RABGAP1L: variants seen among roughly 807,000 people sequenced by gnomAD.
RABGAP1L encodes the protein rab GTPase-activating protein 1-like.
In RABGAP1L, 63 loss-of-function variants were observed where a neutral mutation model predicts 137.7. The ratio of observed to expected loss-of-function variants is 0.46; its 90% confidence interval spans 0.37 to 0.56. The LOEUF is 0.56. RABGAP1L is among the 20% of genes least tolerant of loss of function. The probability of loss-of-function intolerance (pLI) is 0.00; values close to 1 mark genes in which losing one functional copy is unlikely to be tolerated. For synonymous variants in RABGAP1L, 431 were observed against 433.7 expected, an observed-to-expected ratio of 0.99 and a Z score of 0.08; for missense variants, 1,095 against 1,244.0, an observed-to-expected ratio of 0.88 and a Z score of 1.80.
intron 19 of RABGAP1L, among the ~76,000 whole-genome samples, chr1:174,867,748 C>A (rs550313257): frequency 6.6e-6 from 1 of 152,272 alleles, no homozygotes; most frequent in Admixed American, 6.5e-5. Flanking sequence ...TGAGTTCAAG[C>A]AATTCTCCTG....
chr1:174,963,830 A>T (rs1263605048), intron 20 of RABGAP1L, among the ~76,000 whole-genome samples: 1 of 152,120 alleles, frequency 6.6e-6, no homozygotes, highest in Non-Finnish European at 1.5e-5. Flanking sequence ...TGCAAAGCCT[A>T]ATATAGTTAC....
At chr1:174,330,875 G>A (rs529207655) in intron 11 of RABGAP1L, among the ~76,000 whole-genome samples, 4 of 152,124 alleles carry the variant, frequency 2.6e-5, no homozygotes, top group East Asian at 1.9e-4. Flanking sequence ...ACCCTAAATA[G>A]GCCAAGCAAT....
At chr1:174,583,471 A>G (rs1405635340) in intron 13 of RABGAP1L, among the ~76,000 whole-genome samples, 2 of 152,140 alleles carry the variant, frequency 1.3e-5, no homozygotes, top group Admixed American at 1.3e-4. Context: ...GTCAGATGCA[A>G]AAGTTTTCAG....
chr1:174,267,165 A>T (rs1370896606), intron 7 of RABGAP1L, among the ~76,000 whole-genome samples: 1 of 152,172 alleles, frequency 6.6e-6, no homozygotes. Flanking sequence ...ATGCCACATC[A>T]AAAGGAAATA....
At chr1:174,625,843 C>T (rs952984619) in intron 13 of RABGAP1L, among the ~76,000 whole-genome samples, 9 of 152,188 alleles carry the variant, frequency 5.9e-5, no homozygotes, top group African/African-American at 1.9e-4. Context: ...CTAGTTTTAT[C>T]GAAGCACTCT....
chr1:174,215,714 C>G (rs1669255261), intron 1 of RABGAP1L, among the ~76,000 whole-genome samples: 1 of 152,130 alleles, frequency 6.6e-6, no homozygotes, highest in Non-Finnish European at 1.5e-5. Context: ...CCCTGGTACA[C>G]TGTTGGTGGG....
rs554686094 is a variant in RABGAP1L, at chr1:174,722,304, T to A, written c.2169+20048T>A. 4.6e-5 allele frequency among the ~76,000 whole-genome samples: 7 copies of A among 152,322 alleles called. No homozygotes were observed. The South Asian group carries it at 1.4e-3, about 32-fold the overall frequency. ...CTGTTTCTTTAACGATAAAAATAGATGATGAAGCTTAAAAGATTCTACACT... is the reference window on the plus strand; with the variant it reads ...CTGTTTCTTTAACGATAAAAATAGAAGATGAAGCTTAAAAGATTCTACACT... On this transcript the variant is annotated intron_variant, in intron 17 of 25. Transcript: ENST00000681986.
chr1:174,619,521 T>G (rs1480843952), intron 13 of RABGAP1L, among the ~76,000 whole-genome samples: 1 of 152,136 alleles, frequency 6.6e-6, no homozygotes, highest in African/African-American at 2.4e-5. Flanking sequence ...AGCCCAGAAT[T>G]TCATATCCAG....
chr1:174,580,392 C>A (rs1465020651), intron 13 of RABGAP1L, among the ~76,000 whole-genome samples: 3 of 152,072 alleles, frequency 2.0e-5, no homozygotes, highest in Non-Finnish European at 2.9e-5. Context: ...AGATGTCCAA[C>A]AATGATAGAC....
At chr1:174,586,963 T>A (rs933644800) in intron 13 of RABGAP1L, among the ~76,000 whole-genome samples, 1 of 151,974 alleles carries the variant, frequency 6.6e-6, no homozygotes, top group Non-Finnish European at 1.5e-5. Flanking sequence ...GTGTTCTCAT[T>A]GTTCAATTCC....
chr1:174,699,479 CA>C, intron 15 of RABGAP1L, 45 bp from the exon 16 acceptor site: 1 of 1,556,910 alleles, frequency 6.4e-7, no homozygotes, highest in Non-Finnish European at 8.7e-7. Flanking sequence ...GACATTCTGG[CA>C]AAATGCCACT....
chr1:174,693,537 T>G (rs186731535), intron 15 of RABGAP1L, among the ~76,000 whole-genome samples: 9 of 152,256 alleles, frequency 5.9e-5, no homozygotes, highest in South Asian at 4.1e-4. Flanking sequence ...ATAAAAATGG[T>G]ATATGATGGT....
intron 13 of RABGAP1L, among the ~76,000 whole-genome samples, chr1:174,619,890 A>C (rs1672275315): frequency 6.6e-6 from 1 of 152,190 alleles, no homozygotes; most frequent in South Asian, 2.1e-4. Flanking sequence ...GTATTCAGGA[A>C]ACCCATCTCA....
At chr1:174,469,554 G>A (rs1657672310) in intron 13 of RABGAP1L, among the ~76,000 whole-genome samples, 1 of 152,146 alleles carries the variant, frequency 6.6e-6, no homozygotes, top group Non-Finnish European at 1.5e-5. Context: ...TCTGCAATCA[G>A]AAGTTTGAGA....
At chr1:174,893,326 C>T (rs1009098007) in intron 19 of RABGAP1L, among the ~76,000 whole-genome samples, 11 of 152,156 alleles carry the variant, frequency 7.2e-5, no homozygotes, top group East Asian at 1.9e-4. Flanking sequence ...CCTGGCTGTG[C>T]GTGGATTGGC....
chr1:174,195,736 TTTC>T lies in RABGAP1L; in HGVS notation c.-33-23386_-33-23384del, dbSNP rs1176030627. Reference sequence around the variant, plus strand: ...TCTTTTCTTTCTTTTCTTTCTTTTCTTTCTTTCTTTCTTTCTCTCTTTCTCTCT... The same window carrying T: ...TCTTTTCTTTCTTTTCTTTCTTTTCTTTTCTTTCTTTCTCTCTTTCTCTCT... On this transcript the variant is annotated intron_variant, in intron 1 of 25. Coordinates refer to ENST00000681986, the MANE Select transcript of RABGAP1L (RefSeq NM_001366446.1). Among the ~76,000 whole-genome samples the T allele has an allele frequency of 3.7e-5, 5 of 135,000 alleles. No individual in the cohort carries two copies. In the East Asian group the frequency reaches 9.9e-4, roughly 27 times the overall value. The allele number at this position is 135,000 out of a possible 152,430, so 88.6% of individuals were successfully genotyped here. A position where few individuals can be genotyped will look rare whatever the true frequency, so the allele number is the denominator to read the frequency against.
chr1:174,868,229 G>A (rs1651621761), intron 19 of RABGAP1L, among the ~76,000 whole-genome samples: 1 of 152,168 alleles, frequency 6.6e-6, no homozygotes, highest in South Asian at 2.1e-4. Context: ...AAAGTGCTGG[G>A]ATTACAGGCA....
chr1:174,615,441 G>T (rs1461851117), intron 13 of RABGAP1L, among the ~76,000 whole-genome samples: 2 of 152,142 alleles, frequency 1.3e-5, no homozygotes, highest in Non-Finnish European at 2.9e-5. Context: ...TGGAAGTTTT[G>T]TCTCAGAGGA....
intron 18 of RABGAP1L, among the ~76,000 whole-genome samples, chr1:174,779,430 T>A (rs1484334956): frequency 6.6e-6 from 1 of 152,226 alleles, no homozygotes; most frequent in Admixed American, 6.5e-5. Flanking sequence ...TTAAACTGTT[T>A]ATTTTTTAAA....
Sources: allele counts gnomAD v4.1 joint callset (sites outside exome capture counted in the v4.1 genomes callset), GRCh38; gene constraint gnomAD v4.1.1; transcripts MANE v1.5; gene names NCBI Gene and HGNC (gene_info 2026-07-23, HGNC 2026-07-21).